The following HPN variants were observed in gnomAD, a reference collection of about 807,000 sequenced individuals.
The protein encoded by HPN is hepsin.
In HPN, 13 loss-of-function variants were observed where a neutral mutation model predicts 55.9. The observed-to-expected ratio is 0.23, with a 90% CI of 0.15 to 0.37. The LOEUF is 0.37. Among genes scored for constraint, HPN ranks in the 10% least tolerant of loss-of-function variants. The probability of loss-of-function intolerance (pLI) is 1.00; values close to 1 mark genes in which losing one functional copy is unlikely to be tolerated. For missense variants in HPN, 451 were observed against 575.8 expected (o/e 0.78, Z 2.22); for synonymous variants, 225 against 240.3 (o/e 0.94, Z 0.59).
At position 35,059,918 on chromosome 19, in the gene HPN, A is replaced by G. The variant is rs969048046; in HGVS notation, c.335A>G (p.Asn112Ser). 1.3e-6 allele frequency: 2 copies of G among 1,509,150 alleles called. No homozygotes were observed. Among genetic ancestry groups the G allele is most frequent in the South Asian group, 1.3e-5 (1 of 74,892 alleles). The allele number at this position is 1,509,150 out of a possible 1,614,324, so 93.5% of individuals were successfully genotyped here. The change falls in exon 6 of 13, where the codon AAT becomes AGT. Residue 112 changes from asparagine to serine, a missense_variant. By Grantham distance (46) the Asn-to-Ser change is conservative. This residue lies in a region of HPN where 378 missense variants were observed against 445.5 expected (regional missense o/e 0.85). Transcript: ENST00000672452. Reference sequence around the variant, plus strand: ...CTGGACGTGCGAACGGCGGGCGCCAATGGCACGTCGGGCTTCTTCTGTGTG... The same window carrying G: ...CTGGACGTGCGAACGGCGGGCGCCAGTGGCACGTCGGGCTTCTTCTGTGTG... ...SELDVRTAGANGTSGFFCVDE... is the reference protein window; with the variant it reads ...SELDVRTAGASGTSGFFCVDE...
At chr19:35,049,550 C>G (rs1481751413) in intron 4 of HPN, 34 bp downstream of exon 4, 1 of 1,571,194 alleles carries the variant, frequency 6.4e-7, no homozygotes, top group Non-Finnish European at 8.7e-7. Flanking sequence ...TCTGGGGGAG[C>G]CCTGGAGGAC....
chr19:35,048,082 A>AAG (rs111546288), intron 2 of HPN, among the ~76,000 whole-genome samples: 3 of 97,034 alleles, frequency 3.1e-5, no homozygotes, highest in Middle Eastern at 4.7e-3. Flanking sequence ...GAAAGAAAGA[A>AAG]AAGGAAGGAA....
chr19:35,055,384 G>A (rs1429476686), intron 4 of HPN, among the ~76,000 whole-genome samples: 1 of 133,742 alleles, frequency 7.5e-6, no homozygotes, highest in South Asian at 2.5e-4. Flanking sequence ...GTGGTGGAGC[G>A]AGACCCTGTC....
Position 35,042,618 on chromosome 19 carries a change from T to A in HPN, c.16+96T>A, listed in dbSNP as rs2064305548. The A allele has an allele frequency of 2.2e-5, 22 of 1,019,168 alleles. 1 individual carries two copies. In the South Asian group the frequency reaches 3.2e-4, roughly 15 times the overall value. 63.1% of individuals were successfully genotyped at this position (1,019,168 alleles called of 1,614,324 possible). On this transcript the variant is annotated intron_variant, in intron 2 of 12. Transcript: ENST00000672452. ...CCTCTACTCTTCGGAGCCCCCTCTC[T>A]CTGGGCACCCCTCCCAGATGCATCC... is the stretch of plus-strand genomic sequence containing the variant.
At chr19:35,043,099 G>A (rs2151751612) in intron 2 of HPN, among the ~76,000 whole-genome samples, 1 of 152,246 alleles carries the variant, frequency 6.6e-6, no homozygotes, top group South Asian at 2.1e-4. Flanking sequence ...CAAACTCGGA[G>A]TCCCAGAGAC....
At chr19:35,052,364 C>G (rs1051785749) in intron 4 of HPN, among the ~76,000 whole-genome samples, 3 of 151,958 alleles carry the variant, frequency 2.0e-5, no homozygotes, top group African/African-American at 7.3e-5. Context: ...CTCATCTGTA[C>G]TAAAAACACA....
chr19:35,048,748 A>G (rs982137888), intron 2 of HPN, among the ~76,000 whole-genome samples: 1 of 152,162 alleles, frequency 6.6e-6, no homozygotes, highest in Non-Finnish European at 1.5e-5. Context: ...AATACATAAA[A>G]TAAAATGAGG....
At chr19:35,064,758 T>C (rs2064582595) in intron 9 of HPN, among the ~76,000 whole-genome samples, 1 of 152,084 alleles carries the variant, frequency 6.6e-6, no homozygotes, top group Admixed American at 6.5e-5. Context: ...AAGAAAATGG[T>C]GCAGGAAGGC....
intron 2 of HPN, among the ~76,000 whole-genome samples, chr19:35,047,914 T>C (rs2064357458): frequency 6.7e-6 from 1 of 150,074 alleles, no homozygotes; most frequent in East Asian, 2.0e-4. Context: ...TACCTGAGCC[T>C]GAGCGCTTGA....
intron 4 of HPN, among the ~76,000 whole-genome samples, chr19:35,049,861 GTTTT>G (rs67924531): frequency 5.6e-5 from 7 of 124,370 alleles, no homozygotes; most frequent in African/African-American, 1.9e-4. Context: ...ATTTTTGTTT[GTTTT>G]TTTTTTTTTT....
intron 9 of HPN, among the ~76,000 whole-genome samples, chr19:35,064,326 CT>C (rs2064573665): frequency 6.6e-6 from 1 of 151,934 alleles, no homozygotes; most frequent in African/African-American, 2.4e-5. Flanking sequence ...GTGTCTCTCT[CT>C]CTCTCTCTCT....
At chr19:35,047,719 C>T (rs892255931) in intron 2 of HPN, among the ~76,000 whole-genome samples, 3 of 151,960 alleles carry the variant, frequency 2.0e-5, no homozygotes, top group Non-Finnish European at 2.9e-5. Context: ...GAGGGTCAGG[C>T]GCGGTGGCTC....
chr19:35,056,168 G>T (rs994269744), intron 4 of HPN, among the ~76,000 whole-genome samples: 1 of 151,870 alleles, frequency 6.6e-6, no homozygotes, highest in African/African-American at 2.4e-5. Flanking sequence ...TCCCAGGGAC[G>T]CTCTCCTTGC....
In HPN at chr19:35,042,453, G is replaced by C; in HGVS notation, c.-54G>C. 2 of 1,581,506 alleles carry C rather than the reference G, an allele frequency of 1.3e-6. No individual in the cohort carries two copies. The highest frequency in any genetic ancestry group is 1.7e-6 in the Non-Finnish European group (2 of 1,164,104). ...TGCCTCCCCGTCCATCTCCTCACAG[G>C]TCCCACCCTGGCCCAGGAGGTCAGC... On this transcript the variant is annotated splice_region_variant and 5_prime_UTR_variant, in exon 2 of 13. Transcript: ENST00000672452.
upstream of HPN, among the ~76,000 whole-genome samples, chr19:35,041,074 T>G (rs1411612053): frequency 6.6e-6 from 1 of 152,222 alleles, no homozygotes; most frequent in Non-Finnish European, 1.5e-5. Context: ...GTTATCTGCC[T>G]GCGGACGCTT....
intron 9 of HPN, among the ~76,000 whole-genome samples, chr19:35,064,077 A>C (rs1167718930): frequency 2.6e-5 from 4 of 152,182 alleles, no homozygotes; most frequent in African/African-American, 4.8e-5. Context: ...TTCTCACTAC[A>C]ACTTCTGGGG....
chr19:35,048,323 C>T (rs981620460), intron 2 of HPN, among the ~76,000 whole-genome samples: 18 of 152,170 alleles, frequency 1.2e-4, no homozygotes, highest in African/African-American at 2.9e-4. Flanking sequence ...ACTGTGGGCA[C>T]GTGACCCCAC....
At position 35,059,816 on chromosome 19, in the gene HPN, T is replaced by C; in HGVS notation, c.290+14T>C. ...GGGCTTCCTCAGGTACTGGGGGCCC[T>C]CGGAGGGGTGGGAGCCGGGAGGGGC... On this transcript the variant is annotated intron_variant, in intron 5 of 12. Coordinates refer to ENST00000672452, the MANE Select transcript of HPN (RefSeq NM_001384133.1). 6.5e-7 allele frequency: 1 copy of C among 1,549,572 alleles called. No individual in the cohort carries two copies. Among genetic ancestry groups the C allele is most frequent in the Non-Finnish European group, 8.7e-7 (1 of 1,146,010 alleles).
At chr19:35,046,675 G>C in intron 2 of HPN, among the ~76,000 whole-genome samples, 1 of 152,212 alleles carries the variant, frequency 6.6e-6, no homozygotes, top group East Asian at 1.9e-4. Context: ...GCAGATGGGC[G>C]AGCTGGGAGC....
Sources: gnomAD v4.1 joint callset for allele counts (sites outside exome capture counted in the v4.1 genomes callset) on GRCh38, gnomAD v4.1.1 for gene constraint, gnomAD v4.1.1 regional missense constraint, MANE v1.5 for transcripts, NCBI Gene and HGNC (gene_info 2026-07-23, HGNC 2026-07-21) for gene names.